The following RCL1 variants were observed in gnomAD, a reference collection of about 807,000 sequenced individuals.
RCL1 encodes the protein RNA 3'-terminal phosphate cyclase-like protein.
RCL1 carries 24 observed loss-of-function variants against 42.4 expected under a neutral mutation model. That is an observed-to-expected ratio of 0.57 (90% CI 0.41 to 0.80). RCL1 has a LOEUF of 0.80. Among genes scored for constraint, RCL1 ranks in the 30% least tolerant of loss-of-function variants. RCL1 has a pLI of 0.00. For synonymous variants in RCL1, 228 were observed against 177.3 expected, an observed-to-expected ratio of 1.29 and a Z score of -2.27; for missense variants, 578 against 467.9, an observed-to-expected ratio of 1.24 and a Z score of -2.17.
chr9:4,821,449 C>T lies in RCL1; in HGVS notation c.137-2099C>T, dbSNP rs182877916. ...TGTAAAATGGCATCTTAATCCATTTCGTTTTGCTATAACAATGTCACAGGC... is the reference window on the plus strand; with the variant it reads ...TGTAAAATGGCATCTTAATCCATTTTGTTTTGCTATAACAATGTCACAGGC... On this transcript the variant is annotated intron_variant, in intron 1 of 8. Transcript: ENST00000381750. Among the ~76,000 whole-genome samples, 28 of 152,226 alleles carry T rather than the reference C, an allele frequency of 1.8e-4. No homozygotes were observed. The East Asian group carries it at 4.4e-3, about 24-fold the overall frequency.
At chr9:4,841,748 C>T (rs1012828891) in intron 6 of RCL1, among the ~76,000 whole-genome samples, 1 of 152,216 alleles carries the variant, frequency 6.6e-6, no homozygotes, top group Non-Finnish European at 1.5e-5. Context: ...AAGTCAGCAT[C>T]TCTCTTCATC....
At chr9:4,800,238 G>A (rs1412701078) in intron 1 of RCL1, among the ~76,000 whole-genome samples, 1 of 150,648 alleles carries the variant, frequency 6.6e-6, no homozygotes, top group African/African-American at 2.4e-5. Flanking sequence ...TATTTTTTAT[G>A]GTGTCTAGCT....
At chr9:4,833,791 G>A (rs967884419) in intron 4 of RCL1, among the ~76,000 whole-genome samples, 73 of 152,176 alleles carry the variant, frequency 4.8e-4, no homozygotes, top group African/African-American at 1.7e-3. Context: ...TGGTAGATCC[G>A]TTATTTGCAT....
chr9:4,850,837 G>A (rs1817719050), intron 8 of RCL1, among the ~76,000 whole-genome samples: 1 of 152,024 alleles, frequency 6.6e-6, no homozygotes, highest in Admixed American at 6.6e-5. Flanking sequence ...TGGCCACTGT[G>A]GCCCCACCGG....
At chr9:4,806,063 T>TG (rs1491527398) in intron 1 of RCL1, among the ~76,000 whole-genome samples, 42,209 of 147,370 alleles carry the variant, frequency 0.29, 6,336 homozygotes, top group South Asian at 0.4. Context: ...TGTGTGTGTG[T>TG]TTGTGTGTGT....
chr9:4,823,766 T>C, intron 2 of RCL1, 147 bp downstream of exon 2: 1 of 585,810 alleles, frequency 1.7e-6, no homozygotes, highest in Non-Finnish European at 3.0e-6. Flanking sequence ...TGTTTAAAGC[T>C]TTACTAATCA....
intron 1 of RCL1, among the ~76,000 whole-genome samples, chr9:4,811,534 G>C (rs1002961311): frequency 9.9e-5 from 15 of 152,050 alleles, no homozygotes; most frequent in African/African-American, 3.6e-4. Flanking sequence ...TCTGTGTCTG[G>C]CTTATCTTAC....
intron 1 of RCL1, among the ~76,000 whole-genome samples, chr9:4,805,757 T>G (rs931148342): frequency 1.3e-5 from 2 of 152,084 alleles, no homozygotes; most frequent in African/African-American, 4.8e-5. Flanking sequence ...TGACCATTCT[T>G]GGTGCTGCGA....
intron 5 of RCL1, among the ~76,000 whole-genome samples, chr9:4,840,368 TCTTG>T (rs1020864238): frequency 2.0e-5 from 3 of 152,000 alleles, no homozygotes; most frequent in Non-Finnish European, 4.4e-5. Context: ...TATAGCCATC[TCTTG>T]ACCATACATT....
At chr9:4,855,162 TG>T (rs2129740434) in intron 8 of RCL1, among the ~76,000 whole-genome samples, 1 of 152,300 alleles carries the variant, frequency 6.6e-6, no homozygotes, top group African/African-American at 2.4e-5. Context: ...AGTTGCTTTT[TG>T]TTTTCTGAAA....
At chr9:4,839,782 A>G in intron 5 of RCL1, 2 of 963,630 alleles carry the variant, frequency 2.1e-6, no homozygotes, top group Non-Finnish European at 2.5e-6. Context: ...TTACAGAGGT[A>G]AAGCCCTTGC....
chr9:4,852,563 A>G (rs1382107057), intron 8 of RCL1, among the ~76,000 whole-genome samples: 1 of 152,142 alleles, frequency 6.6e-6, no homozygotes, highest in African/African-American at 2.4e-5. Context: ...TGGAAATGGT[A>G]TTTAGCATCT....
In RCL1 at chr9:4,849,868, G is replaced by GT. The variant is rs568036093; in HGVS notation, c.971+327dup. On this transcript the variant is annotated intron_variant, in intron 8 of 8. Transcript: ENST00000381750. Reference sequence around the variant, plus strand: ...TGGTGTAGCTTGGATTTTATTACTAGTTTTTTTTTAATCATTCTTTTCCTT... The same window carrying GT: ...TGGTGTAGCTTGGATTTTATTACTAGTTTTTTTTTTAATCATTCTTTTCCTT... Among the ~76,000 whole-genome samples the GT allele has an allele frequency of 1.2e-3, 178 of 151,776 alleles. 3 individuals are homozygous for GT. In the East Asian group the frequency reaches 0.03, roughly 25 times the overall value.
At chr9:4,820,535 G>C (rs973726176) in intron 1 of RCL1, among the ~76,000 whole-genome samples, 1 of 152,154 alleles carries the variant, frequency 6.6e-6, no homozygotes, top group Non-Finnish European at 1.5e-5. Flanking sequence ...GTAAGAGTCC[G>C]TGTGGATTGC....
In RCL1 at chr9:4,844,700, C is replaced by G. The variant is rs772145855; in HGVS notation, c.867+19C>G. The G allele has an allele frequency of 2.3e-5, 37 of 1,604,770 alleles. No individual in the cohort carries two copies. The highest frequency in any genetic ancestry group is 3.1e-5 in the Non-Finnish European group (36 of 1,176,122). On this transcript the variant is annotated intron_variant, in intron 7 of 8. Coordinates refer to ENST00000381750, the MANE Select transcript of RCL1 (RefSeq NM_005772.5). ...CTACAGGGTATGTCCACAGCTTCCT[C>G]TGATAGAGGAGTGACCAGGAAGCAG...
intron 1 of RCL1, among the ~76,000 whole-genome samples, chr9:4,794,484 C>T (rs1276752195): frequency 1.3e-5 from 2 of 152,220 alleles, no homozygotes; most frequent in African/African-American, 4.8e-5. Flanking sequence ...AAGTGTTCCA[C>T]TTAGTTTGAC....
chr9:4,814,242 A>G (rs867107709), intron 1 of RCL1, among the ~76,000 whole-genome samples: 1 of 114,460 alleles, frequency 8.7e-6, no homozygotes, highest in Non-Finnish European at 2.0e-5. Flanking sequence ...TGTTCTTTCT[A>G]TACCTAACGT....
intron 1 of RCL1, among the ~76,000 whole-genome samples, chr9:4,799,705 T>TA (rs1188863508): frequency 1.3e-5 from 2 of 152,070 alleles, no homozygotes; most frequent in African/African-American, 4.8e-5. Flanking sequence ...TATTATAAAT[T>TA]AAAAAAATTT....
At chr9:4,845,692 C>T (rs557971903) in intron 7 of RCL1, among the ~76,000 whole-genome samples, 1 of 152,326 alleles carries the variant, frequency 6.6e-6, no homozygotes, top group Admixed American at 6.5e-5. Flanking sequence ...CATGCAGAGT[C>T]CAGGAAAGGC....
Sources: gnomAD v4.1 joint callset for allele counts (sites outside exome capture counted in the v4.1 genomes callset) on GRCh38, gnomAD v4.1.1 for gene constraint, MANE v1.5 for transcripts, NCBI Gene and HGNC (gene_info 2026-07-23, HGNC 2026-07-21) for gene names.